SDCCAG8: variants seen among roughly 807,000 people sequenced by gnomAD.
SDCCAG8 encodes SHH signaling and ciliogenesis regulator SDCCAG8, also known as serologically defined colon cancer antigen 8.
SDCCAG8 carries 74 observed loss-of-function variants against 101.8 expected under a neutral mutation model. The ratio of observed to expected loss-of-function variants is 0.73; its 90% CI spans 0.60 to 0.88. The LOEUF (loss-of-function observed/expected upper bound fraction) is 0.88, where lower values mean the gene tolerates loss of function less well. Among genes scored for constraint, SDCCAG8 ranks in the 40% least tolerant of loss-of-function variants. The probability of loss-of-function intolerance (pLI) is 0.00; values close to 1 mark genes in which losing one functional copy is unlikely to be tolerated. For missense variants in SDCCAG8, 787 were observed against 822.6 expected (o/e 0.96, Z 0.53); for synonymous variants, 281 against 292.9 (o/e 0.96, Z 0.41).
intron 4 of SDCCAG8, among the ~76,000 whole-genome samples, chr1:243,275,786 A>G (rs1168078672): frequency 6.6e-6 from 1 of 151,806 alleles, no homozygotes; most frequent in Non-Finnish European, 1.5e-5. Flanking sequence ...AATTATAATA[A>G]GAGAAGAAGG....
chr1:243,469,580 A>T (rs1377707163), intron 16 of SDCCAG8, among the ~76,000 whole-genome samples: 1 of 152,194 alleles, frequency 6.6e-6, no homozygotes, highest in African/African-American at 2.4e-5. Flanking sequence ...TTTCATTCAT[A>T]TTGTGGATTA....
intron 10 of SDCCAG8, among the ~76,000 whole-genome samples, chr1:243,338,291 A>G (rs1345998797): frequency 6.6e-6 from 1 of 152,210 alleles, no homozygotes; most frequent in Non-Finnish European, 1.5e-5. Context: ...AGTTAATCAT[A>G]ACATTGTAAG....
intron 12 of SDCCAG8, among the ~76,000 whole-genome samples, chr1:243,371,530 A>G (rs964126112): frequency 1.3e-5 from 2 of 152,140 alleles, no homozygotes; most frequent in African/African-American, 2.4e-5. Context: ...GATAGCTGGT[A>G]TCAGTGTTAC....
intron 16 of SDCCAG8, among the ~76,000 whole-genome samples, chr1:243,465,013 A>G (rs758380138): frequency 2.0e-5 from 3 of 152,248 alleles, no homozygotes; most frequent in Non-Finnish European, 4.4e-5. Flanking sequence ...AGTGTGATCA[A>G]TCATTTGATC....
At chr1:243,492,647 G>A (rs1454353438) in intron 17 of SDCCAG8, among the ~76,000 whole-genome samples, 7 of 108,046 alleles carry the variant, frequency 6.5e-5, no homozygotes, top group Admixed American at 2.7e-4. Context: ...TGTTCTTGTC[G>A]CCCAGGCTGG....
At chr1:243,349,540 G>A (rs1246499583) in intron 12 of SDCCAG8, among the ~76,000 whole-genome samples, 1 of 152,146 alleles carries the variant, frequency 6.6e-6, no homozygotes, top group Non-Finnish European at 1.5e-5. Context: ...TGACTTACTA[G>A]GATGCTGAGC....
At chr1:243,457,870 G>A (rs1658128226) in intron 16 of SDCCAG8, among the ~76,000 whole-genome samples, 1 of 152,328 alleles carries the variant, frequency 6.6e-6, no homozygotes, top group African/African-American at 2.4e-5. Context: ...AGGAGACAGG[G>A]ATTTTATTGA....
At chr1:243,461,047 G>A (rs1240668572) in intron 16 of SDCCAG8, among the ~76,000 whole-genome samples, 1 of 152,144 alleles carries the variant, frequency 6.6e-6, no homozygotes, top group Non-Finnish European at 1.5e-5. Flanking sequence ...CATTTTACTG[G>A]TACCTTGATA....
Position 243,359,965 on chromosome 1 carries a change from T to C in SDCCAG8, c.1473+15634T>C, listed in dbSNP as rs112499068. Among the ~76,000 whole-genome samples the C allele has an allele frequency of 3.0e-3, 464 of 152,282 alleles. 5 individuals are homozygous for C. The highest frequency in any genetic ancestry group is 0.011 in the African/African-American group (450 of 41,544). On this transcript the variant is annotated intron_variant, in intron 12 of 17. Transcript: ENST00000366541. Reference sequence around the variant, plus strand: ...GATCAGTCTTTTTTATATTTAGTTGTTCTAGTAAGTATATAATGGTATCTC... The same window carrying C: ...GATCAGTCTTTTTTATATTTAGTTGCTCTAGTAAGTATATAATGGTATCTC...
intron 5 of SDCCAG8, 29 bp from the exon 6 acceptor site, chr1:243,293,062 G>T: frequency 6.2e-7 from 1 of 1,613,544 alleles, no homozygotes; most frequent in South Asian, 1.1e-5. Flanking sequence ...GTTGAATTCA[G>T]TTGCAGTTAC....
chr1:243,289,704 G>A (rs1471705492), intron 5 of SDCCAG8, among the ~76,000 whole-genome samples: 2 of 152,094 alleles, frequency 1.3e-5, no homozygotes, highest in Non-Finnish European at 2.9e-5. Flanking sequence ...GCAAAGCAAG[G>A]ATTCAAACCC....
At chr1:243,427,864 G>A (rs754865975) in intron 16 of SDCCAG8, among the ~76,000 whole-genome samples, 4 of 152,138 alleles carry the variant, frequency 2.6e-5, no homozygotes, top group African/African-American at 9.7e-5. Context: ...TAGGCCAGGG[G>A]TCTGCAAACG....
At chr1:243,495,017 T>C (rs1436203868) in intron 17 of SDCCAG8, among the ~76,000 whole-genome samples, 1 of 152,236 alleles carries the variant, frequency 6.6e-6, no homozygotes, top group Non-Finnish European at 1.5e-5. Flanking sequence ...ATTCTTAAAA[T>C]CTATTTACCA....
chr1:243,358,282 C>G (rs747050401), intron 12 of SDCCAG8, among the ~76,000 whole-genome samples: 1 of 151,116 alleles, frequency 6.6e-6, no homozygotes, highest in African/African-American at 2.4e-5. Flanking sequence ...GCAAAAGATC[C>G]GAATAGACTT....
At chr1:243,454,800 C>T (rs2083616957) in intron 16 of SDCCAG8, among the ~76,000 whole-genome samples, 1 of 152,144 alleles carries the variant, frequency 6.6e-6, no homozygotes. Flanking sequence ...GACCGTTCAC[C>T]TGGTCAGGAT....
At chr1:243,460,310 T>G (rs1216754979) in intron 16 of SDCCAG8, among the ~76,000 whole-genome samples, 1 of 152,126 alleles carries the variant, frequency 6.6e-6, no homozygotes, top group East Asian at 1.9e-4. Context: ...AAACACAAAG[T>G]GTGTGTAGCG....
chr1:243,419,554 G>C (rs2080843937), intron 15 of SDCCAG8, among the ~76,000 whole-genome samples: 1 of 152,156 alleles, frequency 6.6e-6, no homozygotes, highest in African/African-American at 2.4e-5. Context: ...TTATATAAAA[G>C]AGACAAAAAG....
chr1:243,421,039 T>C (rs2080962847), intron 15 of SDCCAG8, among the ~76,000 whole-genome samples: 1 of 152,194 alleles, frequency 6.6e-6, no homozygotes, highest in African/African-American at 2.4e-5. Flanking sequence ...TTGGAGTTTC[T>C]AAAGTTTTGT....
intron 17 of SDCCAG8, among the ~76,000 whole-genome samples, chr1:243,497,531 A>C (rs1386945900): frequency 1.3e-5 from 2 of 152,088 alleles, no homozygotes; most frequent in African/African-American, 4.8e-5. Flanking sequence ...ACCCCCATGC[A>C]GGCCCACGGA....
Sources: allele counts gnomAD v4.1 joint callset (sites outside exome capture counted in the v4.1 genomes callset), GRCh38; gene constraint gnomAD v4.1.1; transcripts MANE v1.5; gene names NCBI Gene and HGNC (gene_info 2026-07-23, HGNC 2026-07-21).